ACOT1: variants seen among roughly 807,000 people sequenced by gnomAD.
The protein encoded by ACOT1 is acyl-CoA thioesterase 1.
ACOT1 carries 8 observed loss-of-function variants against 15.7 expected under a neutral mutation model. That is an observed-to-expected ratio of 0.51 (90% CI 0.30 to 0.92). The LOEUF (loss-of-function observed/expected upper bound fraction) is 0.92. ACOT1 is among the 40% of genes least tolerant of loss of function. ACOT1 has a pLI of 0.06. For missense variants in ACOT1, 151 were observed against 539.4 expected (o/e 0.28, Z 7.13); for synonymous variants, 67 against 241.2 (o/e 0.28, Z 6.69).
chr14:73,535,968 G>A (rs546104571), upstream of ACOT1, among the ~76,000 whole-genome samples: 3 of 115,624 alleles, frequency 2.6e-5, 1 homozygote, highest in African/African-American at 8.5e-5. Flanking sequence ...TACTACTACG[G>A]TTCTTGTAAG....
chr14:73,529,345 ACT>A, the ACOT1 span, among the ~76,000 whole-genome samples: 1 of 108,508 alleles, frequency 9.2e-6, no homozygotes, highest in Non-Finnish European at 1.7e-5. Context: ...ACAGAGTGAG[ACT>A]CTGTCTCAAA....
chr14:73,491,258 G>A, the ACOT1 span: 14 of 1,578,392 alleles, frequency 8.9e-6, no homozygotes, highest in East Asian at 2.3e-5. Flanking sequence ...CGCGCTACCC[G>A]GTGGGGCGGC....
the ACOT1 span, chr14:73,491,758 G>A: frequency 6.4e-7 from 1 of 1,563,516 alleles, no homozygotes; most frequent in African/African-American, 1.4e-5. Flanking sequence ...CCGCTGACCT[G>A]GATTCGATGC....
chr14:73,504,292 G>A, the ACOT1 span, among the ~76,000 whole-genome samples: 4 of 151,682 alleles, frequency 2.6e-5, no homozygotes, highest in Non-Finnish European at 5.9e-5. Flanking sequence ...GCCCAGGCTG[G>A]GGCGCAGTGG....
the ACOT1 span, chr14:73,492,723 A>G: frequency 1.2e-6 from 2 of 1,613,842 alleles, no homozygotes; most frequent in African/African-American, 1.3e-5. The surrounding 1 kb of genome is among the most constrained non-coding windows in gnomAD (Gnocchi z 4.9). Context: ...TTTCTCTATT[A>G]CACAGTGGAA....
At chr14:73,491,527 G>T in the ACOT1 span, 1 of 1,524,238 alleles carries the variant, frequency 6.6e-7, no homozygotes, top group South Asian at 1.2e-5. Flanking sequence ...CGTCGGGGCC[G>T]CAGGTGGATA....
At chr14:73,492,778 A>G in the ACOT1 span, 1 of 1,613,958 alleles carries the variant, frequency 6.2e-7, no homozygotes, top group Non-Finnish European at 8.5e-7. The surrounding 1 kb of genome is among the most constrained non-coding windows in gnomAD (Gnocchi z 4.9). Flanking sequence ...GCTTGGAAAT[A>G]TACCCCCAGC....
the ACOT1 span, chr14:73,509,361 CTGTA>C: frequency 2.5e-6 from 4 of 1,614,098 alleles, no homozygotes; most frequent in South Asian, 4.4e-5. Context: ...GATTATGTGA[CTGTA>C]TGGCATATTG....
the ACOT1 span, chr14:73,492,891 C>T: frequency 1.2e-6 from 2 of 1,613,494 alleles, no homozygotes; most frequent in African/African-American, 2.7e-5. The surrounding 1 kb of genome is among the most constrained non-coding windows in gnomAD (Gnocchi z 4.9). Context: ...TTGGCAACCA[C>T]GTTGTATGAT....
the ACOT1 span, chr14:73,491,682 T>C: frequency 6.5e-7 from 1 of 1,549,734 alleles, no homozygotes; most frequent in Non-Finnish European, 8.7e-7. Context: ...TACCGGCGCC[T>C]ATGGGAGCGC....
chr14:73,499,121 T>C, the ACOT1 span: 1 of 1,614,162 alleles, frequency 6.2e-7, no homozygotes, highest in Non-Finnish European at 8.5e-7. Context: ...CTGCATCAGG[T>C]TCAGGAGGCA....
the ACOT1 span, chr14:73,492,527 G>T: frequency 6.2e-7 from 1 of 1,613,760 alleles, no homozygotes; most frequent in Non-Finnish European, 8.5e-7. The surrounding 1 kb of genome is among the most constrained non-coding windows in gnomAD (Gnocchi z 4.9). Flanking sequence ...GCGAGCCAAA[G>T]ACTTCATTCA....
chr14:73,543,015 C>T lies in ACOT1; in HGVS notation c.661-35C>T, dbSNP rs753812124. 1.9e-4 allele frequency: 233 copies of T among 1,240,876 alleles called. 62 individuals carry two copies. Among genetic ancestry groups the T allele is most frequent in the South Asian group, 1.4e-3 (104 of 72,374 alleles). The allele number at this position is 1,240,876 out of a possible 1,614,324, so 76.9% of individuals were successfully genotyped here. On this transcript the variant is annotated intron_variant, in intron 2 of 2. Transcript: ENST00000311148. ...TCACCATATTCCACTGTTTGTGGAG[C>T]CATTCTTCTTCTTTTTCCTTTGTCC...
At chr14:73,495,145 GCTA>G in the ACOT1 span, 2,780 of 1,230,758 alleles carry the variant, frequency 2.3e-3, 1 homozygote, top group Non-Finnish European at 3.0e-3. Flanking sequence ...TCTAAGGCTT[GCTA>G]CTAAGTCCCA....
chr14:73,535,511 C>T (rs1888838689), upstream of ACOT1, among the ~76,000 whole-genome samples: 1 of 67,788 alleles, frequency 1.5e-5, no homozygotes, highest in Non-Finnish European at 2.9e-5. Flanking sequence ...TTTTTTTGCC[C>T]AGGCTGGAGT....
chr14:73,512,953 C>T, the ACOT1 span, among the ~76,000 whole-genome samples: 2 of 152,170 alleles, frequency 1.3e-5, no homozygotes, highest in Admixed American at 1.3e-4. Context: ...TTTCAACAGT[C>T]CTTGCCAGGC....
the ACOT1 span, chr14:73,500,443 C>G: frequency 8.2e-7 from 1 of 1,215,634 alleles, no homozygotes; most frequent in Non-Finnish European, 1.2e-6. Context: ...GTTCCAATCT[C>G]TCATTCTGTG....
intron 1 of ACOT1, among the ~76,000 whole-genome samples, chr14:73,540,742 CTTTTTTTT>C (rs200357086): frequency 7.4e-5 from 6 of 81,214 alleles, no homozygotes; most frequent in Admixed American, 1.5e-4. Context: ...TGTTTGCATT[CTTTTTTTT>C]TTTTTTTTTT....
the ACOT1 span, chr14:73,491,588 G>A: frequency 6.5e-7 from 1 of 1,545,566 alleles, no homozygotes; most frequent in Non-Finnish European, 8.7e-7. Context: ...CGTCTTGGCC[G>A]AGCTGAACCG....
Sources: allele counts gnomAD v4.1 joint callset (sites outside exome capture counted in the v4.1 genomes callset), GRCh38; gene constraint gnomAD v4.1.1; non-coding constraint Gnocchi (gnomAD v3.1); transcripts MANE v1.5; gene names NCBI Gene and HGNC (gene_info 2026-07-23, HGNC 2026-07-21).